The following CD5L variants were observed in gnomAD, a reference collection of about 807,000 sequenced individuals.
CD5L encodes CD5 molecule like, also known as CD5 antigen-like.
In CD5L, 39 loss-of-function variants were observed where a neutral mutation model predicts 40.8. The ratio of observed to expected loss-of-function variants is 0.96; its 90% CI spans 0.74 to 1.25. The LOEUF is 1.25. Ranked by LOEUF, CD5L falls within the 50% of genes most tolerant of loss-of-function variation. The pLI, the probability that CD5L is intolerant of heterozygous loss-of-function variation, is 0.00. For missense variants in CD5L, 433 were observed against 435.9 expected, an observed-to-expected ratio of 0.99 and a Z score of 0.06; for synonymous variants, 192 against 169.6, an observed-to-expected ratio of 1.13 and a Z score of -1.03.
intron 3 of CD5L, 102 bp from the exon 4 acceptor site, chr1:157,834,850 CA>C: frequency 2.4e-6 from 2 of 843,760 alleles, no homozygotes; most frequent in Non-Finnish European, 1.9e-6. Flanking sequence ...GTGTTCAGTA[CA>C]AGGCATGCTA....
chr1:157,833,687 C>T (rs2101936803), intron 4 of CD5L, among the ~76,000 whole-genome samples, 175 bp from the exon 5 acceptor site: 1 of 151,840 alleles, frequency 6.6e-6, no homozygotes, highest in Admixed American at 6.5e-5. Flanking sequence ...CTCATTGCAG[C>T]CTCAACCTCG....
rs927366784 is a variant in CD5L, at chr1:157,834,541, G to A, written c.584C>T (p.Ala195Val). Residue 195 changes from alanine (A) to valine (V), a missense_variant, in exon 4 of 6, where the codon GCC becomes GTC. By Grantham distance (64) the Ala-to-Val change is moderately conservative. Transcript: ENST00000368174. ...CAGCCAGATGGGTTTTCGGCCATAGGCATGCTTGTTGCAGCGTTTTTGAGT... is the reference window on the plus strand; with the variant it reads ...CAGCCAGATGGGTTTTCGGCCATAGACATGCTTGTTGCAGCGTTTTTGAGT... ...VLTQKRCNKHAYGRKPIWLSQ... is the reference protein window; with the variant it reads ...VLTQKRCNKHVYGRKPIWLSQ... 6.2e-7 allele frequency: 1 copy of A among 1,614,094 alleles called. No homozygotes were observed. The highest frequency in any genetic ancestry group is 8.5e-7 in the Non-Finnish European group (1 of 1,180,046).
rs771726512 is a variant in CD5L, at chr1:157,831,940, G to C, written c.*24C>G. ...GCAGAGGGCAGGCGGGGCCAGGGGG[G>C]CCAGGTCAAGCAACACCAGGATACT... On this transcript the variant is annotated 3_prime_UTR_variant, in exon 6 of 6. Coordinates refer to ENST00000368174, the MANE Select transcript of CD5L (RefSeq NM_005894.3). 1.9e-6 allele frequency: 3 copies of C among 1,575,202 alleles called. No homozygotes were observed. Among genetic ancestry groups the C allele is most frequent in the Admixed American group, 3.7e-5 (2 of 54,186 alleles).
rs1439362013 is a variant in CD5L, at chr1:157,834,457, C to T, written c.668G>A (p.Trp223Ter). The change falls in exon 4 of 6, where the codon TGG (tryptophan) becomes TAG (stop). Residue 223 changes from tryptophan (W) to a stop codon, truncating the protein, a stop_gained. Transcript: ENST00000368174. LOFTEE classifies it high-confidence loss of function. ...ATCATGGTTGCAGGTGTTCTTCCCC[C>T]AAGGCCCAGAAGGGCAATCCTGAAG... is the stretch of plus-strand genomic sequence containing the variant. Reference protein sequence around the residue: ...ATLQDCPSGPWGKNTCNHDED... With the variant: ...ATLQDCPSGP 1 of 1,614,230 alleles carries T rather than the reference C, an allele frequency of 6.2e-7. No homozygotes were observed. The highest frequency in any genetic ancestry group is 8.5e-7 in the Non-Finnish European group (1 of 1,180,020).
At chr1:157,841,389 T>C (rs895036028) in intron 1 of CD5L, among the ~76,000 whole-genome samples, 2 of 152,208 alleles carry the variant, frequency 1.3e-5, no homozygotes, top group African/African-American at 2.4e-5. Context: ...TTCTTACTAA[T>C]AGTACATTTA....
In CD5L at chr1:157,835,484, T is replaced by G. The variant is rs1363337876; in HGVS notation, c.376+351A>C. 4.6e-5 allele frequency among the ~76,000 whole-genome samples: 7 copies of G among 152,332 alleles called. No homozygotes were observed. The East Asian group carries it at 1.2e-3, about 25-fold the overall frequency. ...ATTTTTTAAAAAGCATACATTATAC[T>G]TTGTGAGCTCATTTCTTCCCCCATA... On this transcript the variant is annotated intron_variant, in intron 3 of 5. Transcript: ENST00000368174.
chr1:157,831,917 A>G lies in CD5L; in HGVS notation c.*47T>C. The G allele has an allele frequency of 1.3e-6, 2 of 1,551,080 alleles. No individual in the cohort carries two copies. The highest frequency in any genetic ancestry group is 1.7e-6 in the Non-Finnish European group (2 of 1,154,812). On this transcript the variant is annotated 3_prime_UTR_variant, in exon 6 of 6. Transcript: ENST00000368174. ...ATAATCAGGGCTCAGGAGAACAAGC[A>G]GAGGGCAGGCGGGGCCAGGGGGGCC... is the stretch of plus-strand genomic sequence containing the variant.
At chr1:157,840,592 C>T (rs1006082207) in intron 1 of CD5L, among the ~76,000 whole-genome samples, 10 of 152,174 alleles carry the variant, frequency 6.6e-5, no homozygotes, top group African/African-American at 1.9e-4. Context: ...CTATCCAAAA[C>T]TCAAGGTTAT....
At chr1:157,827,983 T>C (rs1655947237), downstream of CD5L, among the ~76,000 whole-genome samples, 1 of 152,226 alleles carries the variant, frequency 6.6e-6, no homozygotes, top group African/African-American at 2.4e-5. Context: ...TCCATTTTCT[T>C]CCAGAACCCA....
At chr1:157,835,313 G>A (rs921543890) in intron 3 of CD5L, among the ~76,000 whole-genome samples, 1 of 152,134 alleles carries the variant, frequency 6.6e-6, no homozygotes, top group Non-Finnish European at 1.5e-5. Flanking sequence ...TATAAAGCAA[G>A]TATGTGGGGG....
chr1:157,836,006 C>A lies in CD5L; in HGVS notation c.205G>T (p.Ala69Ser), dbSNP rs1304798043. The A allele has an allele frequency of 2.5e-6, 4 of 1,614,202 alleles. No individual in the cohort carries two copies. In the Admixed American group the frequency reaches 5.0e-5, roughly 20 times the overall value. The change falls in exon 3 of 6, where the codon GCT becomes TCT. Residue 69 changes from alanine (A) to serine (S), a missense_variant. Ala to Ser is a moderately conservative substitution (Grantham distance 99). Coordinates refer to ENST00000368174, the MANE Select transcript of CD5L (RefSeq NM_005894.3). ...AVLCRELGCGAASGTPSGILY... is the reference protein window; with the variant it reads ...AVLCRELGCGSASGTPSGILY... ...ATACCACTAGGGGTTCCGCTGGCAG[C>A]TCCACAGCCCAGCTCCCGGCACAAC...
At chr1:157,828,696 A>C (rs951222361), downstream of CD5L, among the ~76,000 whole-genome samples, 1 of 152,180 alleles carries the variant, frequency 6.6e-6, no homozygotes, top group Non-Finnish European at 1.5e-5. Context: ...TTTCTCTCCT[A>C]CTAACCTTCC....
At chr1:157,830,885 A>G, downstream of CD5L, 2 of 921,400 alleles carry the variant, frequency 2.2e-6, no homozygotes, top group Non-Finnish European at 2.6e-6. Context: ...CTGTGGGCAG[A>G]AAGAGCATAT....
At chr1:157,832,861 A>T (rs1656085380) in intron 5 of CD5L, among the ~76,000 whole-genome samples, 1 of 151,986 alleles carries the variant, frequency 6.6e-6, no homozygotes, top group African/African-American at 2.4e-5. Flanking sequence ...ATTTTCTCCG[A>T]CTCTCACTTT....
At chr1:157,829,121 C>G (rs541424045), downstream of CD5L, among the ~76,000 whole-genome samples, 1 of 152,162 alleles carries the variant, frequency 6.6e-6, no homozygotes, top group Non-Finnish European at 1.5e-5. Flanking sequence ...GCCCATGTGA[C>G]GGCAATGGGT....
In CD5L at chr1:157,835,896, C is replaced by G; in HGVS notation, c.315G>C (p.Gln105His). The G allele has an allele frequency of 6.2e-7, 1 of 1,614,216 alleles. No homozygotes were observed. The highest frequency in any genetic ancestry group is 8.5e-7 in the Non-Finnish European group (1 of 1,180,022). Residue 105 changes from glutamine (Q) to histidine (H), a missense_variant, in exon 3 of 6, where the codon CAG becomes CAC. Coordinates refer to ENST00000368174, the MANE Select transcript of CD5L (RefSeq NM_005894.3). The part of the protein sequence containing the change: ...SCTGTEDTLA[Q>H]CEQEEVYDCS... ...AATCATAAACTTCTTCTTGCTCACA[C>G]TGAGCCAATGTATCTTCTGTTCCTG...
At chr1:157,835,695 G>A (rs763354165) in intron 3 of CD5L, 140 bp downstream of exon 3, 46 of 687,002 alleles carry the variant, frequency 6.7e-5, no homozygotes, top group Non-Finnish European at 1.1e-4. Context: ...AGCACTGACA[G>A]TTGGGAAAGT....
chr1:157,827,263 GGTGTATGTGTGTGT>G (rs946599659), downstream of CD5L, among the ~76,000 whole-genome samples: 4 of 117,000 alleles, frequency 3.4e-5, no homozygotes, highest in African/African-American at 1.3e-4. Context: ...CAGGACAAAT[GGTGTATGTGTGTGT>G]GTGTGTGTGT....
intron 2 of CD5L, among the ~76,000 whole-genome samples, chr1:157,838,923 G>C (rs1017842951): frequency 6.6e-6 from 1 of 152,192 alleles, no homozygotes; most frequent in Non-Finnish European, 1.5e-5. Context: ...GACTCCCCGA[G>C]CAGGAAATCC....
Sources: allele counts gnomAD v4.1 joint callset (sites outside exome capture counted in the v4.1 genomes callset), GRCh38; gene constraint gnomAD v4.1.1; transcripts MANE v1.5; gene names NCBI Gene and HGNC (gene_info 2026-07-23, HGNC 2026-07-21).